TANC1: variants seen among roughly 807,000 people sequenced by gnomAD.
The protein encoded by TANC1 is protein TANC1.
Under a neutral mutation model 149.7 loss-of-function variants are expected in TANC1, and 77 were observed. The ratio of observed to expected loss-of-function variants is 0.51; its 90% CI spans 0.43 to 0.62. The LOEUF (loss-of-function observed/expected upper bound fraction) is 0.62. Among genes scored for constraint, TANC1 ranks in the 20% least tolerant of loss-of-function variants. The probability of loss-of-function intolerance (pLI) is 0.00; values close to 1 mark genes in which losing one functional copy is unlikely to be tolerated. For synonymous variants in TANC1, 854 were observed against 925.0 expected (o/e 0.92, Z 1.39); for missense variants, 1,985 against 2,321.8 (o/e 0.85, Z 2.98).
chr2:159,160,819 T>C (rs2053974374), intron 7 of TANC1, among the ~76,000 whole-genome samples: 1 of 152,178 alleles, frequency 6.6e-6, no homozygotes, highest in Non-Finnish European at 1.5e-5. Context: ...CTCACTAGTC[T>C]CCTTCATATA....
At chr2:159,025,321 C>T (rs764165803) in intron 2 of TANC1, among the ~76,000 whole-genome samples, 5 of 151,074 alleles carry the variant, frequency 3.3e-5, no homozygotes, top group African/African-American at 9.7e-5. Flanking sequence ...CTAAAACCTA[C>T]TCTCTTAACA....
At chr2:159,063,540 G>C (rs1403403814) in intron 2 of TANC1, among the ~76,000 whole-genome samples, 2 of 152,144 alleles carry the variant, frequency 1.3e-5, no homozygotes, top group South Asian at 2.1e-4. Flanking sequence ...TTTCCAGTCT[G>C]GGGGAGGGGA....
chr2:158,983,317 A>T (rs183129300), intron 1 of TANC1, among the ~76,000 whole-genome samples: 662 of 152,038 alleles, frequency 4.4e-3, no homozygotes, highest in Non-Finnish European at 7.8e-3. Flanking sequence ...AATACAAAAA[A>T]TTAGCCGGGC....
At chr2:159,105,147 A>G (rs1223867910) in intron 4 of TANC1, among the ~76,000 whole-genome samples, 1 of 148,510 alleles carries the variant, frequency 6.7e-6, no homozygotes, top group Admixed American at 6.7e-5. Flanking sequence ...GGCGCCCACC[A>G]CCACGCCTGG....
At chr2:158,970,923 T>A (rs987099569) in intron 1 of TANC1, among the ~76,000 whole-genome samples, 2 of 152,266 alleles carry the variant, frequency 1.3e-5, no homozygotes, top group Non-Finnish European at 2.9e-5. Flanking sequence ...ATGGTTTTCC[T>A]GCTTTCTTGG....
Position 159,172,272 on chromosome 2 carries a change from G to A in TANC1, c.1503G>A (p.Lys501=). Residue 501 remains lysine (K), a splice_region_variant and synonymous_variant, in exon 11 of 27, where the codon AAG becomes AAA. Coordinates refer to ENST00000263635, the MANE Select transcript of TANC1 (RefSeq NM_033394.3). The part of the protein sequence containing the change: ...REDAVKYLAS[K]VVAYHYCQAD... ...ATGCAGTGAAATATCTTGCTTCTAA[G>A]GTAATCTTTCTTGTTTTATTGGAGC... 1 of 1,613,358 alleles carries A rather than the reference G, an allele frequency of 6.2e-7. No homozygotes were observed.
At chr2:159,014,135 T>C (rs1325954187) in intron 2 of TANC1, among the ~76,000 whole-genome samples, 7 of 152,182 alleles carry the variant, frequency 4.6e-5, no homozygotes, top group Admixed American at 3.3e-4. Flanking sequence ...TTTGTATTAG[T>C]CCATTTTCAC....
chr2:159,010,593 A>G (rs2037656704), intron 2 of TANC1, among the ~76,000 whole-genome samples: 1 of 152,176 alleles, frequency 6.6e-6, no homozygotes, highest in Non-Finnish European at 1.5e-5. Context: ...TTGTTTGTAC[A>G]GTAAAGAAAG....
intron 9 of TANC1, 108 bp downstream of exon 9, chr2:159,169,480 G>A (rs2054955459): frequency 8.4e-7 from 1 of 1,190,254 alleles, no homozygotes; most frequent in Admixed American, 2.0e-5. Flanking sequence ...TAACATGATG[G>A]AAAGTGTGTT....
intron 19 of TANC1, among the ~76,000 whole-genome samples, chr2:159,207,696 T>TA (rs2058702821): frequency 5.1e-5 from 1 of 19,520 alleles, no homozygotes; most frequent in Non-Finnish European, 7.7e-5. Context: ...AACACGTGTC[T>TA]CAAAAAAAAA....
chr2:159,103,360 T>A lies in TANC1; in HGVS notation c.259+5526T>A, dbSNP rs1330933388. Among the ~76,000 whole-genome samples the A allele has an allele frequency of 5.2e-5, 5 of 95,678 alleles. 1 individual carries two copies. Among genetic ancestry groups the A allele is most frequent in the African/African-American group, 1.5e-4 (5 of 34,466 alleles). 62.8% of individuals were successfully genotyped at this position (95,678 alleles called of 152,430 possible). On this transcript the variant is annotated intron_variant, in intron 4 of 26. Coordinates refer to ENST00000263635, the MANE Select transcript of TANC1 (RefSeq NM_033394.3). ...CAGAAAGGCTGTATTGATTTCATAT[T>A]CCCCCCAGCATTCTTTGAGTGGCTG...
chr2:159,047,499 C>T (rs1445996935), intron 2 of TANC1, among the ~76,000 whole-genome samples: 2 of 152,062 alleles, frequency 1.3e-5, no homozygotes, highest in Non-Finnish European at 2.9e-5. Flanking sequence ...GCAAAGCTGC[C>T]TCTGATTCTA....
chr2:159,228,445 C>A, intron 25 of TANC1: 1 of 275,072 alleles, frequency 3.6e-6, no homozygotes, highest in Non-Finnish European at 6.9e-6. Flanking sequence ...TTAACTGTGT[C>A]CTCCTGCCCC....
chr2:158,987,579 T>G (rs554578346), intron 1 of TANC1, among the ~76,000 whole-genome samples: 1 of 152,292 alleles, frequency 6.6e-6, no homozygotes, highest in African/African-American at 2.4e-5. Context: ...GATCACTCAT[T>G]CATTAGACCA....
chr2:159,225,463 C>G, intron 23 of TANC1: 1 of 583,694 alleles, frequency 1.7e-6, no homozygotes, highest in East Asian at 2.9e-5. Context: ...GCCTTCGTTT[C>G]TCATTACTTT....
Position 159,169,305 on chromosome 2 carries a change from T to C in TANC1, c.1002T>C (p.Ala334=). 4 of 1,613,686 alleles carry C rather than the reference T, an allele frequency of 2.5e-6. No individual in the cohort carries two copies. Among genetic ancestry groups the C allele is most frequent in the Non-Finnish European group, 3.4e-6 (4 of 1,179,634 alleles). ...GTTATTTAGACGGGCAGAGAAATGC[T>C]CCTCTACGGACGTCAATTAGATTAC... ...DLSYLDGQRN[A]PLRTSIRLPW... Residue 334 remains alanine, a synonymous_variant, in exon 9 of 27, where the codon GCT becomes GCC. Transcript: ENST00000263635.
intron 3 of TANC1, among the ~76,000 whole-genome samples, chr2:159,080,364 A>G (rs1488840035): frequency 2.0e-5 from 3 of 152,144 alleles, no homozygotes; most frequent in Non-Finnish European, 4.4e-5. Flanking sequence ...GAAGTAAAGG[A>G]TGTGAGACTT....
chr2:158,996,686 A>G (rs1230837986), intron 1 of TANC1, among the ~76,000 whole-genome samples: 1 of 152,182 alleles, frequency 6.6e-6, no homozygotes. Context: ...TCTTTCAATA[A>G]ATTTGTGGAA....
chr2:159,059,433 C>T lies in TANC1; in HGVS notation c.-15-6463C>T, dbSNP rs573133433. Among the ~76,000 whole-genome samples the T allele has an allele frequency of 3.3e-5, 5 of 151,668 alleles. No individual in the cohort carries two copies. In the South Asian group the frequency reaches 1.0e-3, roughly 32 times the overall value. On this transcript the variant is annotated intron_variant, in intron 2 of 26. Coordinates refer to ENST00000263635, the MANE Select transcript of TANC1 (RefSeq NM_033394.3). ...GGAAGATAGCCTGAGCCTGAGAAGA[C>T]AAGACTGCAGTGAACTGTCACTGTC...
Sources: allele counts gnomAD v4.1 joint callset (sites outside exome capture counted in the v4.1 genomes callset), GRCh38; gene constraint gnomAD v4.1.1; transcripts MANE v1.5; gene names NCBI Gene and HGNC (gene_info 2026-07-23, HGNC 2026-07-21).